MYCT1: variants seen among roughly 807,000 people sequenced by gnomAD.
MYCT1 encodes the protein MYC target 1.
In MYCT1, 12 loss-of-function variants were observed where a neutral mutation model predicts 15.0. That is an observed-to-expected ratio of 0.80 (90% CI 0.51 to 1.29). The LOEUF (loss-of-function observed/expected upper bound fraction) is 1.29. MYCT1 is among the 50% of genes most tolerant of loss of function. MYCT1 has a pLI of 0.00. For synonymous variants in MYCT1, 104 were observed against 102.7 expected (o/e 1.01, Z -0.07); for missense variants, 287 against 279.1 (o/e 1.03, Z -0.20).
chr6:152,705,773 A>G, intron 1 of MYCT1: 5 of 548,138 alleles, frequency 9.1e-6, no homozygotes. Context: ...CATAGACTCC[A>G]GCTGACTGAG....
At chr6:152,742,769 A>G in the MYCT1 span, among the ~76,000 whole-genome samples, 3 of 152,176 alleles carry the variant, frequency 2.0e-5, no homozygotes, top group Non-Finnish European at 4.4e-5. Context: ...ATGATTGTAT[A>G]TGTGTAAGTA....
At chr6:152,735,296 G>T in the MYCT1 span, among the ~76,000 whole-genome samples, 2 of 151,990 alleles carry the variant, frequency 1.3e-5, no homozygotes, top group African/African-American at 4.8e-5. Context: ...AAACTTTTTG[G>T]TAAGTGAGCC....
chr6:152,724,337 G>C lies in MYCT1; in HGVS notation c.*2084G>C, dbSNP rs544934642. ...AGAATTTGTGTTGGGAGTAAAAACT[G>C]CTTTATAGCTCCCAAATTAGGAAGA... On this transcript the variant is annotated 3_prime_UTR_variant, in exon 2 of 2. Transcript: ENST00000367245. The C allele has an allele frequency of 4.1e-4, 62 of 151,378 alleles. No homozygotes were observed. The highest frequency in any genetic ancestry group is 1.5e-3 in the African/African-American group (61 of 41,214). The allele number at this position is 151,378 out of a possible 1,614,324, so 9.4% of individuals were successfully genotyped here. A position where few individuals can be genotyped will look rare whatever the true frequency, so the allele number is the denominator to read the frequency against.
the MYCT1 span, among the ~76,000 whole-genome samples, chr6:152,738,887 T>C: frequency 6.6e-6 from 1 of 152,042 alleles, no homozygotes; most frequent in Admixed American, 6.6e-5. Context: ...AAATATATAA[T>C]GCATCACAGA....
chr6:152,721,933 G>A lies in MYCT1; in HGVS notation c.388G>A (p.Gly130Ser). The change falls in exon 2 of 2, where the codon GGC becomes AGC. Residue 130 changes from glycine (G) to serine (S), a missense_variant. Gly to Ser is a moderately conservative substitution (Grantham distance 56). Coordinates refer to ENST00000367245, the MANE Select transcript of MYCT1 (RefSeq NM_025107.3). ...LNRTGFYRHSGCERRSNLSLA... is the reference protein window; with the variant it reads ...LNRTGFYRHSSCERRSNLSLA... Reference sequence around the variant, plus strand: ...CAGAACTGGATTTTACCGCCACAGTGGCTGTGAACGTCGAAGCAACCTCAG... The same window carrying A: ...CAGAACTGGATTTTACCGCCACAGTAGCTGTGAACGTCGAAGCAACCTCAG... 15 of 1,614,128 alleles carry A rather than the reference G, an allele frequency of 9.3e-6. No homozygotes were observed. Among genetic ancestry groups the A allele is most frequent in the Non-Finnish European group, 1.3e-5 (15 of 1,180,018 alleles).
the MYCT1 span, among the ~76,000 whole-genome samples, chr6:152,737,054 A>G: frequency 0.081 from 12,258 of 152,104 alleles, 818 homozygotes; most frequent in African/African-American, 0.17. Context: ...TTTAAAGCAG[A>G]TATAACCAAA....
intron 1 of MYCT1, among the ~76,000 whole-genome samples, chr6:152,703,260 A>G (rs1374365830): frequency 6.6e-6 from 1 of 152,170 alleles, no homozygotes; most frequent in Non-Finnish European, 1.5e-5. Flanking sequence ...AACTACTCAG[A>G]TTTTCTATCA....
chr6:152,714,420 T>C (rs865834294), intron 1 of MYCT1, among the ~76,000 whole-genome samples: 1 of 151,364 alleles, frequency 6.6e-6, no homozygotes, highest in African/African-American at 2.4e-5. Context: ...ATATGGAAAC[T>C]GAAATAATTG....
intron 1 of MYCT1, among the ~76,000 whole-genome samples, chr6:152,717,577 C>T (rs575644974): frequency 6.6e-6 from 1 of 152,028 alleles, no homozygotes; most frequent in Non-Finnish European, 1.5e-5. Flanking sequence ...AGTTTTCCTG[C>T]ACAAGCTCTC....
chr6:152,700,892 T>C (rs1007671022), intron 1 of MYCT1, among the ~76,000 whole-genome samples: 2 of 152,222 alleles, frequency 1.3e-5, no homozygotes, highest in Non-Finnish European at 2.9e-5. Flanking sequence ...ATTTATTCAC[T>C]TAATTCAATT....
At chr6:152,733,459 T>A in the MYCT1 span, among the ~76,000 whole-genome samples, 1 of 152,240 alleles carries the variant, frequency 6.6e-6, no homozygotes, top group Non-Finnish European at 1.5e-5. Context: ...AACTGGTGTC[T>A]CTTTATCAGG....
chr6:152,707,191 G>C (rs1472900276), intron 1 of MYCT1, among the ~76,000 whole-genome samples: 1 of 151,944 alleles, frequency 6.6e-6, no homozygotes, highest in Non-Finnish European at 1.5e-5. Context: ...TTTGATAATA[G>C]GCATTTTGGC....
the MYCT1 span, among the ~76,000 whole-genome samples, chr6:152,730,818 G>T: frequency 6.6e-6 from 1 of 151,852 alleles, no homozygotes; most frequent in Non-Finnish European, 1.5e-5. Context: ...ACCAATACAG[G>T]GATTCAATAT....
intron 1 of MYCT1, among the ~76,000 whole-genome samples, chr6:152,716,802 T>A (rs539082540): frequency 6.6e-6 from 1 of 152,216 alleles, no homozygotes; most frequent in South Asian, 2.1e-4. Context: ...AATGTTAGAG[T>A]TTTTTCCTTC....
intron 1 of MYCT1, among the ~76,000 whole-genome samples, chr6:152,717,484 T>C (rs1034065259): frequency 1.3e-5 from 2 of 152,096 alleles, no homozygotes; most frequent in African/African-American, 2.4e-5. Flanking sequence ...GGAAGGTAAT[T>C]GAATCATGGG....
chr6:152,725,560 A>G (rs2099725511), downstream of MYCT1, among the ~76,000 whole-genome samples: 1 of 152,224 alleles, frequency 6.6e-6, no homozygotes, highest in Non-Finnish European at 1.5e-5. Flanking sequence ...CACTGAGATC[A>G]CAGGTGTGAG....
intron 1 of MYCT1, among the ~76,000 whole-genome samples, chr6:152,714,705 G>T (rs1054775423): frequency 1.4e-4 from 21 of 151,224 alleles, no homozygotes; most frequent in African/African-American, 1.7e-4. Context: ...ATAACTTACA[G>T]ATATTTTTCC....
At chr6:152,740,508 T>C in the MYCT1 span, among the ~76,000 whole-genome samples, 1 of 152,294 alleles carries the variant, frequency 6.6e-6, no homozygotes, top group South Asian at 2.1e-4. Flanking sequence ...GTAGACATTG[T>C]ACAAAAATAG....
At chr6:152,745,320 A>T in the MYCT1 span, among the ~76,000 whole-genome samples, 1 of 152,172 alleles carries the variant, frequency 6.6e-6, no homozygotes, top group South Asian at 2.1e-4. Flanking sequence ...TACCTCTGCC[A>T]GGTGCAGTGG....
Sources: gnomAD v4.1 joint callset for allele counts (sites outside exome capture counted in the v4.1 genomes callset) on GRCh38, gnomAD v4.1.1 for gene constraint, MANE v1.5 for transcripts, NCBI Gene and HGNC (gene_info 2026-07-23, HGNC 2026-07-21) for gene names.